Variants in P4HB observed in about 807,000 individuals in gnomAD.
P4HB encodes the protein prolyl 4-hydroxylase subunit beta.
In P4HB, 20 loss-of-function variants were observed where a neutral mutation model predicts 52.6. The ratio of observed to expected loss-of-function variants is 0.38; its 90% CI spans 0.27 to 0.55. P4HB has a LOEUF of 0.55. Ranked by LOEUF, P4HB falls within the 20% of genes least tolerant of loss-of-function variation. The probability of loss-of-function intolerance (pLI) is 0.74; values close to 1 mark genes in which losing one functional copy is unlikely to be tolerated. For missense variants in P4HB, 601 were observed against 669.2 expected, an observed-to-expected ratio of 0.90 and a Z score of 1.12; for synonymous variants, 296 against 277.9, an observed-to-expected ratio of 1.07 and a Z score of -0.65.
At position 81,846,557 on chromosome 17, in the gene P4HB, CCTT is replaced by C. The variant is rs2038738824; in HGVS notation, c.925_927del (p.Lys309del). ...ATGAGGCGCACGGCCGGGCACTCTT[CCTT>C]CTTCAGGCCAAAGAACTCGAGGATG... On this transcript the variant is annotated inframe_deletion, in exon 7 of 11. Coordinates refer to ENST00000331483, the MANE Select transcript of P4HB (RefSeq NM_000918.4). The surrounding 1 kb of genome is among the most constrained non-coding windows in gnomAD (Gnocchi z 5.7). The C allele has an allele frequency of 1.2e-6, 2 of 1,613,974 alleles. No individual in the cohort carries two copies. Among genetic ancestry groups the C allele is most frequent in the African/African-American group, 2.7e-5 (2 of 74,916 alleles).
At chr17:81,851,630 G>A (rs1287874706) in intron 4 of P4HB, among the ~76,000 whole-genome samples, 2 of 152,198 alleles carry the variant, frequency 1.3e-5, no homozygotes, top group African/African-American at 4.8e-5. Context: ...GGCCGCAACT[G>A]CAGGCAAACG....
At chr17:81,858,878 C>A in intron 2 of P4HB, 1 of 381,920 alleles carries the variant, frequency 2.6e-6, no homozygotes, top group Non-Finnish European at 4.9e-6. Context: ...ACAAACAGCC[C>A]ATGTGGCCAG....
intron 4 of P4HB, among the ~76,000 whole-genome samples, chr17:81,851,241 C>A (rs1222191379): frequency 1.3e-5 from 2 of 152,188 alleles, no homozygotes; most frequent in Non-Finnish European, 2.9e-5. Flanking sequence ...CCTCAAACTT[C>A]TTAAATGAGA....
Position 81,846,722 on chromosome 17 carries a change from C to A in P4HB, c.856-93G>T. 1 of 1,337,224 alleles carries A rather than the reference C, an allele frequency of 7.5e-7. No individual in the cohort carries two copies. Among genetic ancestry groups the A allele is most frequent in the South Asian group, 1.2e-5 (1 of 81,744 alleles). 82.8% of individuals were successfully genotyped at this position (1,337,224 alleles called of 1,614,324 possible). On this transcript the variant is annotated intron_variant, in intron 6 of 10. Coordinates refer to ENST00000331483, the MANE Select transcript of P4HB (RefSeq NM_000918.4). The surrounding 1 kb of genome is among the most constrained non-coding windows in gnomAD (Gnocchi z 5.7). ...CTCGGAAGCAGACCGTGCTCCGGTG[C>A]CTTTTTCCTCCAACCTGGATTCCGG...
At chr17:81,848,890 C>T (rs572428049) in intron 4 of P4HB, among the ~76,000 whole-genome samples, 3 of 149,194 alleles carry the variant, frequency 2.0e-5, no homozygotes, top group African/African-American at 4.9e-5. Flanking sequence ...ACCAAAAATA[C>T]AAAAATTTAG....
intron 5 of P4HB, 81 bp from the exon 6 acceptor site, chr17:81,847,153 A>G: frequency 6.2e-7 from 1 of 1,601,178 alleles, no homozygotes; most frequent in Non-Finnish European, 8.6e-7. Flanking sequence ...CCAATGTCAG[A>G]CGCTGGACAG....
rs2070871 is a variant in P4HB at position 81,847,258 on chromosome 17, G to A, written c.714C>T (p.Ile238=). ...FIKHNQLPLV[I]EFTEQTAPKI... Reference sequence around the variant, plus strand: ...GCAGCCGCACCTGCTCGGTGAACTCGATGACAAGGGGCAGCTGGTTGTGTT... The same window carrying A: ...GCAGCCGCACCTGCTCGGTGAACTCAATGACAAGGGGCAGCTGGTTGTGTT... Residue 238 remains isoleucine (I), a synonymous_variant, in exon 5 of 11, where the codon ATC becomes ATT. Coordinates refer to ENST00000331483, the MANE Select transcript of P4HB (RefSeq NM_000918.4). The A allele has an allele frequency of 0.18, 283,144 of 1,613,528 alleles. 26,543 individuals carry two copies. Among genetic ancestry groups the A allele is most frequent in the Admixed American group, 0.21 (12,391 of 60,022 alleles).
intron 2 of P4HB, among the ~76,000 whole-genome samples, chr17:81,858,238 C>CTTCAGCCTGG (rs111460757): frequency 0.2 from 23,925 of 119,086 alleles, 3,190 homozygotes; most frequent in African/African-American, 0.3. Context: ...CACCACTGCA[C>CTTCAGCCTGG]GACAGAGCGA....
chr17:81,843,907 G>A lies in P4HB; in HGVS notation c.*105C>T, dbSNP rs201677863. 4.2e-5 allele frequency: 35 copies of A among 829,968 alleles called. No individual in the cohort carries two copies. In the African/African-American group the frequency reaches 4.7e-4, roughly 11 times the overall value. The allele number at this position is 829,968 out of a possible 1,614,324, so 51.4% of individuals were successfully genotyped here. A position where few individuals can be genotyped will look rare whatever the true frequency, so the allele number is the denominator to read the frequency against. ...TTCAGAGAGGTTCCCTGGGTTTCCG[G>A]CGACGCCCTCCTTCAAGCGAGGCCG... On this transcript the variant is annotated 3_prime_UTR_variant, in exon 11 of 11. Coordinates refer to ENST00000331483, the MANE Select transcript of P4HB (RefSeq NM_000918.4).
chr17:81,855,743 C>T lies in P4HB; in HGVS notation c.353-157G>A, dbSNP rs955233456. The T allele has an allele frequency of 5.0e-5, 38 of 756,718 alleles. No homozygotes were observed. Among genetic ancestry groups the T allele is most frequent in the Middle Eastern group, 3.4e-4 (1 of 2,914 alleles). The allele number at this position is 756,718 out of a possible 1,614,324, so 46.9% of individuals were successfully genotyped here. A position where few individuals can be genotyped will look rare whatever the true frequency, so the allele number is the denominator to read the frequency against. On this transcript the variant is annotated intron_variant, in intron 2 of 10. Transcript: ENST00000331483. This position sits in a 1 kb window ranked among gnomAD's most constrained non-coding sequence, Gnocchi z 4.3. Reference sequence around the variant, plus strand: ...ACCATGGAAGAGGCCCGGTGCCGTCCGCCCGCCTCCTAAACCCCAGTGTAC... The same window carrying T: ...ACCATGGAAGAGGCCCGGTGCCGTCTGCCCGCCTCCTAAACCCCAGTGTAC...
Position 81,860,442 on chromosome 17 carries a change from G to C in P4HB, c.30C>G (p.Ala10=). The C allele has an allele frequency of 1.4e-6, 2 of 1,399,418 alleles. No individual in the cohort carries two copies. Among genetic ancestry groups the C allele is most frequent in the South Asian group, 1.5e-5 (1 of 64,744 alleles). The allele number at this position is 1,399,418 out of a possible 1,614,324, so 86.7% of individuals were successfully genotyped here. A position where few individuals can be genotyped will look rare whatever the true frequency, so the allele number is the denominator to read the frequency against. MLRRALLCL[A]VAALVRADAP... ...CGTCGGCGCGCACCAGGGCGGCCAC[G>C]GCCAGGCACAGCAGAGCGCGGCGCA... Residue 10 remains alanine, a synonymous_variant, in exon 1 of 11, where the codon GCC becomes GCG. Transcript: ENST00000331483.
At chr17:81,850,388 G>A (rs1034339525) in intron 4 of P4HB, among the ~76,000 whole-genome samples, 6 of 151,978 alleles carry the variant, frequency 3.9e-5, no homozygotes, top group Non-Finnish European at 8.8e-5. Context: ...GGCCTGCTTC[G>A]GCCTCCCAAA....
intron 9 of P4HB, 117 bp downstream of exon 9, chr17:81,845,444 A>G (rs1294961404): frequency 4.7e-6 from 5 of 1,067,318 alleles, no homozygotes; most frequent in African/African-American, 1.6e-5. Flanking sequence ...AGGAGCTCCC[A>G]CAGCTCTTCT....
At chr17:81,847,515 G>A in intron 4 of P4HB, 168 bp from the exon 5 acceptor site, 2 of 640,488 alleles carry the variant, frequency 3.1e-6, no homozygotes, top group Non-Finnish European at 5.7e-6. Flanking sequence ...TTCCTCGACA[G>A]TAAGACTGGC....
At chr17:81,845,374 C>A (rs566352250) in intron 9 of P4HB, 144 bp from the exon 10 acceptor site, 17 of 862,890 alleles carry the variant, frequency 2.0e-5, no homozygotes, top group Non-Finnish European at 3.1e-5. Flanking sequence ...AGTTCAAAAA[C>A]AGCCTAGGCA....
Position 81,855,535 on chromosome 17 carries a change from G to T in P4HB, c.404C>A (p.Pro135Gln). Residue 135 changes from proline (P) to glutamine (Q), a missense_variant, in exon 3 of 11, where the codon CCG becomes CAG. Coordinates refer to ENST00000331483, the MANE Select transcript of P4HB (RefSeq NM_000918.4). The surrounding 1 kb of genome is among the most constrained non-coding windows in gnomAD (Gnocchi z 4.3). ...IVNWLKKRTG[P>Q]AATTLPDGAA... ...GCCGTCAGGCAGGGTGGTGGCAGCC[G>T]GGCCCGTGCGCTTCTTCAGCCAGTT... The T allele has an allele frequency of 6.2e-7, 1 of 1,613,942 alleles. No homozygotes were observed.
chr17:81,845,059 T>A (rs903246769), intron 10 of P4HB, 85 bp downstream of exon 10: 1 of 1,153,702 alleles, frequency 8.7e-7, no homozygotes, highest in African/African-American at 1.5e-5. Flanking sequence ...ACCATTCCCA[T>A]CACAAGCCGA....
chr17:81,854,647 C>A (rs778062115), intron 4 of P4HB, among the ~76,000 whole-genome samples: 45 of 151,720 alleles, frequency 3.0e-4, no homozygotes, highest in Non-Finnish European at 5.3e-4. Context: ...GAGATTGATA[C>A]CATCCTGGCC....
rs199705471 is a variant in P4HB, at chr17:81,846,543, G to A, written c.942C>T (p.Ala314=). Residue 314 remains alanine (A), a synonymous_variant, in exon 7 of 11, where the codon GCC becomes GCT. Coordinates refer to ENST00000331483, the MANE Select transcript of P4HB (RefSeq NM_000918.4). This position sits in a 1 kb window ranked among gnomAD's most constrained non-coding sequence, Gnocchi z 5.7. ...CCTCCTCCAGGGTGATGAGGCGCACGGCCGGGCACTCTTCCTTCTTCAGGC... is the reference window on the plus strand; with the variant it reads ...CCTCCTCCAGGGTGATGAGGCGCACAGCCGGGCACTCTTCCTTCTTCAGGC... ...FFGLKKEECP[A]VRLITLEEEM... 11 of 1,614,016 alleles carry A rather than the reference G, an allele frequency of 6.8e-6. No individual in the cohort carries two copies. Among genetic ancestry groups the A allele is most frequent in the South Asian group, 3.3e-5 (3 of 91,078 alleles).
Sources: allele counts gnomAD v4.1 joint callset (sites outside exome capture counted in the v4.1 genomes callset), GRCh38; gene constraint gnomAD v4.1.1; non-coding constraint Gnocchi (gnomAD v3.1); transcripts MANE v1.5; gene names NCBI Gene and HGNC (gene_info 2026-07-23, HGNC 2026-07-21).